IL34: variants seen among roughly 807,000 people sequenced by gnomAD.
IL34 encodes the protein interleukin-34.
Under a neutral mutation model 25.3 loss-of-function variants are expected in IL34, and 17 were observed. That is an observed-to-expected ratio of 0.67 (90% CI 0.46 to 1.01). The LOEUF (loss-of-function observed/expected upper bound fraction) is 1.01, where lower values mean the gene tolerates loss of function less well. Among genes scored for constraint, IL34 ranks in the 50% least tolerant of loss-of-function variants. The pLI is 0.00. For synonymous variants in IL34, 174 were observed against 140.9 expected, an observed-to-expected ratio of 1.23 and a Z score of -1.66; for missense variants, 368 against 312.9, an observed-to-expected ratio of 1.18 and a Z score of -1.33.
upstream of IL34, among the ~76,000 whole-genome samples, chr16:70,644,709 A>G (rs1202904206): frequency 2.7e-5 from 1 of 36,728 alleles, no homozygotes; most frequent in South Asian, 9.5e-4. Flanking sequence ...GAGGAGGAGG[A>G]GGGGGAGGAG....
chr16:70,582,412 G>T (rs1381026174), intron 1 of IL34, among the ~76,000 whole-genome samples: 3 of 152,270 alleles, frequency 2.0e-5, no homozygotes, highest in African/African-American at 7.2e-5. Flanking sequence ...ACCGGGGTAG[G>T]TTACGCACAT....
At chr16:70,595,340 TTTC>T (rs2151812019) in intron 1 of IL34, among the ~76,000 whole-genome samples, 1 of 140,932 alleles carries the variant, frequency 7.1e-6, no homozygotes, top group Admixed American at 7.3e-5. Flanking sequence ...TCTCCTTCTT[TTTC>T]TTCTTCTGAG....
At chr16:70,612,191 C>T (rs1385251759) in intron 1 of IL34, among the ~76,000 whole-genome samples, 1 of 152,180 alleles carries the variant, frequency 6.6e-6, no homozygotes. Context: ...ATCATGGAAC[C>T]AGCTGACCCC....
At chr16:70,631,117 T>G (rs2151850189) in intron 1 of IL34, among the ~76,000 whole-genome samples, 1 of 152,376 alleles carries the variant, frequency 6.6e-6, no homozygotes, top group East Asian at 1.9e-4. Context: ...GACTGTGTTA[T>G]GTTATATTAA....
chr16:70,609,171 C>T (rs1393780090), intron 1 of IL34, among the ~76,000 whole-genome samples: 1 of 152,092 alleles, frequency 6.6e-6, no homozygotes, highest in South Asian at 2.1e-4. Flanking sequence ...TCCGCCTCCC[C>T]GGTTCAAGCA....
upstream of IL34, among the ~76,000 whole-genome samples, chr16:70,645,158 GAGA>G (rs1201477597): frequency 2.7e-5 from 4 of 150,126 alleles, no homozygotes; most frequent in Middle Eastern, 3.5e-3. Context: ...GGAGGAGGAA[GAGA>G]AGGAGGAAGA....
chr16:70,584,538 C>T (rs1326099739), intron 1 of IL34, among the ~76,000 whole-genome samples: 2 of 152,178 alleles, frequency 1.3e-5, no homozygotes, highest in East Asian at 1.9e-4. Flanking sequence ...CTGGGGTGCT[C>T]ATGCCTTTCC....
chr16:70,611,908 G>C (rs971728579), intron 1 of IL34, among the ~76,000 whole-genome samples: 1 of 152,100 alleles, frequency 6.6e-6, no homozygotes, highest in Non-Finnish European at 1.5e-5. Context: ...CCAGCTCTTC[G>C]GGAGGAGCAG....
At chr16:70,654,864 T>C (rs548319176) in intron 2 of IL34, among the ~76,000 whole-genome samples, 193 bp downstream of exon 2, 1 of 152,250 alleles carries the variant, frequency 6.6e-6, no homozygotes, top group South Asian at 2.1e-4. Flanking sequence ...TGCCATCTCC[T>C]GGGGCCTCCA....
chr16:70,619,921 C>A (rs1444215943), intron 1 of IL34, among the ~76,000 whole-genome samples: 1 of 152,148 alleles, frequency 6.6e-6, no homozygotes, highest in East Asian at 1.9e-4. Context: ...ATTTCCAGCA[C>A]ATGTAGCAAG....
chr16:70,626,732 T>A (rs2051402529), intron 1 of IL34, among the ~76,000 whole-genome samples: 1 of 152,128 alleles, frequency 6.6e-6, no homozygotes, highest in South Asian at 2.1e-4. Flanking sequence ...TTCTATTATT[T>A]TATATTCAAA....
intron 1 of IL34, among the ~76,000 whole-genome samples, chr16:70,617,115 G>C (rs2051185019): frequency 6.6e-6 from 1 of 152,050 alleles, no homozygotes; most frequent in Non-Finnish European, 1.5e-5. Flanking sequence ...TGATATTGTG[G>C]GGTTGTTAGA....
intron 1 of IL34, among the ~76,000 whole-genome samples, chr16:70,596,355 C>G (rs1215556752): frequency 6.6e-6 from 1 of 152,222 alleles, no homozygotes; most frequent in East Asian, 1.9e-4. Context: ...TATGCCAAGA[C>G]TAAGACTGCC....
At chr16:70,587,847 T>C (rs757548443) in intron 1 of IL34, among the ~76,000 whole-genome samples, 36 of 151,938 alleles carry the variant, frequency 2.4e-4, no homozygotes, top group Admixed American at 5.2e-4. Flanking sequence ...GAGACCAGCC[T>C]GGCAAACAGG....
intron 1 of IL34, among the ~76,000 whole-genome samples, chr16:70,621,008 G>T (rs897624555): frequency 1.3e-5 from 2 of 152,118 alleles, no homozygotes; most frequent in Non-Finnish European, 2.9e-5. Context: ...CAGAGAAGGG[G>T]TTGGGGCACG....
At chr16:70,632,297 C>T (rs1292419457) in intron 1 of IL34, among the ~76,000 whole-genome samples, 1 of 152,152 alleles carries the variant, frequency 6.6e-6, no homozygotes, top group African/African-American at 2.4e-5. Flanking sequence ...CCTTCGCTGA[C>T]CCTAATCCTC....
In IL34 at chr16:70,619,570, A is replaced by G. The variant is rs1347211552; in HGVS notation, c.-400-26978A>G. The stretch of plus-strand genomic sequence containing the variant: ...CAATACCCACAACAGTTATGGAGGC[A>G]AGGGAAACAGGCCCTTGAAAAGAAG... On this transcript the variant is annotated intron_variant, in intron 1 of 6. Transcript: ENST00000429149. 3.3e-5 allele frequency among the ~76,000 whole-genome samples: 5 copies of G among 152,274 alleles called. No homozygotes were observed. In the South Asian group the frequency reaches 8.3e-4, roughly 25 times the overall value.
intron 1 of IL34, among the ~76,000 whole-genome samples, chr16:70,636,585 T>TCTCACA (rs1232745844): frequency 6.6e-5 from 9 of 136,384 alleles, no homozygotes; most frequent in African/African-American, 2.5e-4. Context: ...GCAAACCCTG[T>TCTCACA]CACACACACA....
intron 1 of IL34, among the ~76,000 whole-genome samples, chr16:70,595,363 C>T (rs977147751): frequency 1.3e-5 from 2 of 151,944 alleles, no homozygotes; most frequent in African/African-American, 2.4e-5. Context: ...GACAGGATCT[C>T]ACTCTGTCAC....
Sources: allele counts gnomAD v4.1 joint callset (sites outside exome capture counted in the v4.1 genomes callset), GRCh38; gene constraint gnomAD v4.1.1; transcripts MANE v1.5; gene names NCBI Gene and HGNC (gene_info 2026-07-23, HGNC 2026-07-21).